Variants in PRORP observed in about 807,000 individuals in gnomAD.
The protein encoded by PRORP is mitochondrial ribonuclease P catalytic subunit.
PRORP carries 51 observed loss-of-function variants against 59.4 expected under a neutral mutation model. The observed-to-expected ratio is 0.86, with a 90% CI of 0.69 to 1.08. The LOEUF is 1.08. Ranked by LOEUF, PRORP falls within the 50% of genes least tolerant of loss-of-function variation. The pLI is 0.00. For missense variants in PRORP, 646 were observed against 690.3 expected, an observed-to-expected ratio of 0.94 and a Z score of 0.72; for synonymous variants, 231 against 245.6, an observed-to-expected ratio of 0.94 and a Z score of 0.55.
chr14:35,185,231 T>C (rs1477939420), intron 5 of PRORP, among the ~76,000 whole-genome samples: 1 of 152,196 alleles, frequency 6.6e-6, no homozygotes, highest in Admixed American at 6.6e-5. Context: ...TGGTGTGAAA[T>C]GGTATCTCAC....
intron 4 of PRORP, among the ~76,000 whole-genome samples, chr14:35,176,579 G>A (rs546066006): frequency 1.2e-3 from 183 of 152,216 alleles, no homozygotes; most frequent in African/African-American, 4.3e-3. Context: ...TGTGATTTTT[G>A]TACATTGATT....
At chr14:35,132,987 T>C (rs1447082114) in intron 4 of PRORP, among the ~76,000 whole-genome samples, 5 of 152,120 alleles carry the variant, frequency 3.3e-5, no homozygotes. Flanking sequence ...AATGGCATGA[T>C]CTTGGCTCAC....
At chr14:35,233,122 A>G (rs890508944) in intron 5 of PRORP, among the ~76,000 whole-genome samples, 3 of 137,064 alleles carry the variant, frequency 2.2e-5, no homozygotes, top group African/African-American at 8.2e-5. Flanking sequence ...TCGTCAACCC[A>G]TTCGGCAAAT....
chr14:35,163,271 G>GA lies in PRORP; in HGVS notation c.1168-17391dup, dbSNP rs201593966. On this transcript the variant is annotated intron_variant, in intron 4 of 7. Transcript: ENST00000534898. ...TTTATGTAATAATACATTTATAAAT[G>GA]AAAAAAAATGTATACATAAAAAAAT... Among the ~76,000 whole-genome samples, 478 of 151,800 alleles carry GA rather than the reference G, an allele frequency of 3.1e-3. 13 individuals are homozygous for GA. Among genetic ancestry groups the GA allele is most frequent in the Admixed American group, 0.028 (428 of 15,248 alleles).
intron 4 of PRORP, among the ~76,000 whole-genome samples, chr14:35,167,428 T>C (rs2048211444): frequency 6.6e-6 from 1 of 152,242 alleles, no homozygotes; most frequent in Non-Finnish European, 1.5e-5. Context: ...TCTCAATAAA[T>C]TACCATTGAT....
At position 35,180,703 on chromosome 14, in the gene PRORP, C is replaced by T. The variant is rs745576669; in HGVS notation, c.1201C>T (p.Arg401Cys). 30 of 1,612,180 alleles carry T rather than the reference C, an allele frequency of 1.9e-5. No individual in the cohort carries two copies. Among genetic ancestry groups the T allele is most frequent in the South Asian group, 1.2e-4 (11 of 90,900 alleles). Residue 401 changes from arginine (R) to cysteine (C), a missense_variant, in exon 5 of 8, where the codon CGT (arginine) becomes TGT (cysteine). Transcript: ENST00000534898. ...GAGATTTGAGAACTTCATAAAATCT[C>T]GTCCTCCTTTTGATGTTGTCATTGA... ...LKRFENFIKS[R>C]PPFDVVIDGL...
chr14:35,195,763 A>G (rs960135270), intron 5 of PRORP, among the ~76,000 whole-genome samples: 1 of 152,080 alleles, frequency 6.6e-6, no homozygotes, highest in Non-Finnish European at 1.5e-5. Flanking sequence ...TATTTTTTTA[A>G]CTATATATGT....
At chr14:35,229,374 G>A (rs549057942) in intron 5 of PRORP, among the ~76,000 whole-genome samples, 157 of 152,214 alleles carry the variant, frequency 1.0e-3, no homozygotes, top group Middle Eastern at 0.01. Flanking sequence ...TCTGAAGGCC[G>A]ACGTCCAGAA....
In PRORP at chr14:35,143,631, TTTTGTTTG is replaced by T. The variant is rs199887396; in HGVS notation, c.1167+16044_1167+16051del. Reference sequence around the variant, plus strand: ...TATGGCTTAATAAAAGACAGATAGTTTTTGTTTGTTTGTTTGTTTGTTTGTTTGTTTTT... The same window carrying T: ...TATGGCTTAATAAAAGACAGATAGTTTTTGTTTGTTTGTTTGTTTGTTTTT... On this transcript the variant is annotated intron_variant, in intron 4 of 7. Coordinates refer to ENST00000534898, the MANE Select transcript of PRORP (RefSeq NM_014672.4). Among the ~76,000 whole-genome samples the T allele has an allele frequency of 3.9e-4, 56 of 145,094 alleles. 4 individuals carry two copies. Among genetic ancestry groups the T allele is most frequent in the South Asian group, 2.9e-3 (13 of 4,462 alleles).
At chr14:35,187,930 A>C (rs1184987866) in intron 5 of PRORP, among the ~76,000 whole-genome samples, 1 of 147,866 alleles carries the variant, frequency 6.8e-6, no homozygotes, top group Non-Finnish European at 1.5e-5. Flanking sequence ...GGTTCACTAC[A>C]ACCTCCACCT....
At chr14:35,221,141 T>C (rs1044096693) in intron 5 of PRORP, among the ~76,000 whole-genome samples, 14 of 152,126 alleles carry the variant, frequency 9.2e-5, no homozygotes, top group Non-Finnish European at 1.9e-4. Context: ...TTGCCTCCCA[T>C]AGGGGAGAAC....
intron 4 of PRORP, among the ~76,000 whole-genome samples, chr14:35,142,686 A>G (rs2047510624): frequency 2.1e-5 from 3 of 144,392 alleles, no homozygotes; most frequent in African/African-American, 4.9e-5. Context: ...TAATAAAAAT[A>G]CAAAAAATTA....
At chr14:35,145,294 C>T (rs1179012752) in intron 4 of PRORP, among the ~76,000 whole-genome samples, 1 of 144,542 alleles carries the variant, frequency 6.9e-6, no homozygotes, top group Non-Finnish European at 1.5e-5. Context: ...CTTATTGAGA[C>T]TTCTTAATCA....
chr14:35,128,286 TTTG>T lies in PRORP; in HGVS notation c.1167+681_1167+683del, dbSNP rs554744346. 6.6e-5 allele frequency among the ~76,000 whole-genome samples: 10 copies of T among 150,600 alleles called. No homozygotes were observed. In the East Asian group the frequency reaches 1.9e-3, roughly 29 times the overall value. ...TTGGCCTGTAGTTTTTTGTTTTTTT[TTTG>T]TTGTTTTTTGGGTTTTTTTTTTGCT... On this transcript the variant is annotated intron_variant, in intron 4 of 7. Transcript: ENST00000534898.
At chr14:35,134,591 G>A (rs1450446822) in intron 4 of PRORP, among the ~76,000 whole-genome samples, 1 of 152,056 alleles carries the variant, frequency 6.6e-6, no homozygotes. Flanking sequence ...CAGGAGCTAG[G>A]GCCTAGAAAA....
At chr14:35,212,276 C>T (rs2049468117) in intron 5 of PRORP, among the ~76,000 whole-genome samples, 2 of 152,200 alleles carry the variant, frequency 1.3e-5, no homozygotes, top group Non-Finnish European at 2.9e-5. Context: ...ACTCCTGTTA[C>T]TATTGGTATT....
chr14:35,262,176 A>T (rs1421653750), intron 5 of PRORP, among the ~76,000 whole-genome samples: 2 of 151,340 alleles, frequency 1.3e-5, no homozygotes, highest in Non-Finnish European at 2.9e-5. Flanking sequence ...TTATAATTTT[A>T]TTATTATTAT....
intron 5 of PRORP, among the ~76,000 whole-genome samples, chr14:35,195,239 A>G (rs1266136487): frequency 6.6e-6 from 1 of 152,138 alleles, no homozygotes; most frequent in East Asian, 1.9e-4. Context: ...ACTTTCAGAA[A>G]TCTGTTCTGC....
chr14:35,199,373 A>T (rs985737421), intron 5 of PRORP, among the ~76,000 whole-genome samples: 1 of 151,462 alleles, frequency 6.6e-6, no homozygotes, highest in Admixed American at 6.6e-5. Context: ...AGTACTTGCT[A>T]TAGTTTGAAT....
Sources: allele counts gnomAD v4.1 joint callset (sites outside exome capture counted in the v4.1 genomes callset), GRCh38; gene constraint gnomAD v4.1.1; transcripts MANE v1.5; gene names NCBI Gene and HGNC (gene_info 2026-07-23, HGNC 2026-07-21).